GSE1: variants seen among roughly 807,000 people sequenced by gnomAD.
GSE1 encodes the protein Gse1 coiled-coil protein, also known as genetic suppressor element 1.
Under a neutral mutation model 112.6 loss-of-function variants are expected in GSE1, and 32 were observed. The ratio of observed to expected loss-of-function variants is 0.28; its 90% CI spans 0.21 to 0.38. The LOEUF is 0.38. GSE1 is among the 10% of genes least tolerant of loss of function. The pLI is 1.00. For synonymous variants in GSE1, 1,115 were observed against 735.6 expected (o/e 1.52, Z -8.35); for missense variants, 2,348 against 1,699.2 (o/e 1.38, Z -6.71).
intron 1 of GSE1, among the ~76,000 whole-genome samples, chr16:85,179,974 C>T (rs192041692): frequency 1.3e-5 from 2 of 152,354 alleles, no homozygotes; most frequent in Admixed American, 1.3e-4. Context: ...AGCTCCTGCA[C>T]AGCTGACAGT....
At chr16:85,253,900 T>A (rs1906786941) in intron 1 of GSE1, among the ~76,000 whole-genome samples, 1 of 151,732 alleles carries the variant, frequency 6.6e-6, no homozygotes, top group African/African-American at 2.4e-5. Flanking sequence ...GAACTGTGTG[T>A]GCAAAGGGCA....
intron 2 of GSE1, among the ~76,000 whole-genome samples, chr16:85,372,391 C>T (rs1393844313): frequency 6.7e-6 from 1 of 149,436 alleles, no homozygotes; most frequent in East Asian, 2.0e-4. Context: ...AGGTGGGAGG[C>T]TCACCTTAGC....
intron 1 of GSE1, among the ~76,000 whole-genome samples, chr16:85,339,628 G>A (rs1399141828): frequency 1.1e-4 from 15 of 131,790 alleles, no homozygotes; most frequent in Non-Finnish European, 2.2e-4. Flanking sequence ...GGGGAGGGGG[G>A]CAGAGAGAGG....
intron 1 of GSE1, among the ~76,000 whole-genome samples, chr16:85,194,976 A>C (rs147415057): frequency 3.1e-4 from 47 of 152,248 alleles, no homozygotes; most frequent in African/African-American, 1.0e-3. Context: ...AGTAGCTTTC[A>C]GATCATCATA....
At chr16:85,507,442 G>T (rs1239511831) in intron 2 of GSE1, among the ~76,000 whole-genome samples, 2 of 152,214 alleles carry the variant, frequency 1.3e-5, no homozygotes, top group Non-Finnish European at 1.5e-5. Context: ...ATTTGGGACC[G>T]CAGGGTTACT....
intron 1 of GSE1, among the ~76,000 whole-genome samples, chr16:85,269,956 C>T (rs980789874): frequency 2.7e-5 from 4 of 149,452 alleles, no homozygotes; most frequent in African/African-American, 7.3e-5. Context: ...ATAGTGAGCC[C>T]GTGTTGCAGG....
chr16:85,346,587 TGGTG>T (rs1168177145), intron 1 of GSE1, among the ~76,000 whole-genome samples: 1 of 138,970 alleles, frequency 7.2e-6, no homozygotes, highest in African/African-American at 2.6e-5. Flanking sequence ...AGTGGAGTGA[TGGTG>T]GGCAGATGGG....
chr16:85,501,254 G>A lies in GSE1; in HGVS notation c.2465-132660G>A, dbSNP rs538883175. ...CCTGACCTCGTGATCCACCTGCCTC[G>A]GCCTCCCAAAGTGCTGGGATTACAG... On this transcript the variant is annotated intron_variant, in intron 2 of 2. Transcript: ENST00000637419. 6.6e-5 allele frequency among the ~76,000 whole-genome samples: 10 copies of A among 151,918 alleles called. No individual in the cohort carries two copies. The East Asian group carries it at 1.9e-3, about 30-fold the overall frequency.
At position 85,331,323 on chromosome 16, in the gene GSE1, CTGTGTGTGTGTGTGTGTGTGTGTGTG is replaced by C. The variant is rs71151278; in HGVS notation, c.2284-26122_2284-26097del. Among the ~76,000 whole-genome samples, 2 of 84,508 alleles carry C rather than the reference CTGTGTGTGTGTGTGTGTGTGTGTGTG, an allele frequency of 2.4e-5. 1 individual carries two copies. Among genetic ancestry groups the C allele is most frequent in the Non-Finnish European group, 5.0e-5 (2 of 40,340 alleles). 55.4% of individuals were successfully genotyped at this position (84,508 alleles called of 152,430 possible). A position where few individuals can be genotyped will look rare whatever the true frequency, so the allele number is the denominator to read the frequency against. ...ACATGCCACCATGCCCAGCTAATTT[CTGTGTGTGTGTGTGTGTGTGTGTGTG>C]TGTGTGTGTGTGTGTGTATATATGT... On this transcript the variant is annotated intron_variant, in intron 1 of 2. Transcript: ENST00000637419.
rs565095072 is a variant in GSE1, at chr16:85,424,722, C to T, written c.2464+67079C>T. ...TGTTCCTGCGCCCAGCACTGACAGG[C>T]GCGAGGGCTCCTCACGCCCCGAGTC... On this transcript the variant is annotated intron_variant, in intron 2 of 2. Transcript: ENST00000637419. Among the ~76,000 whole-genome samples, 10 of 152,370 alleles carry T rather than the reference C, an allele frequency of 6.6e-5. No homozygotes were observed. The East Asian group carries it at 1.7e-3, about 26-fold the overall frequency.
At chr16:85,339,090 C>T (rs1597432516) in intron 1 of GSE1, among the ~76,000 whole-genome samples, 2 of 152,314 alleles carry the variant, frequency 1.3e-5, no homozygotes, top group Middle Eastern at 6.8e-3. Flanking sequence ...GCTCTCTTCC[C>T]CTGAACCTTT....
At chr16:85,301,568 G>A (rs1308977878) in intron 1 of GSE1, among the ~76,000 whole-genome samples, 5 of 152,376 alleles carry the variant, frequency 3.3e-5, no homozygotes, top group Admixed American at 6.5e-5. Flanking sequence ...GAAAGTTGCT[G>A]GGGCCAGTGT....
chr16:85,511,041 A>C (rs772529567), intron 2 of GSE1, among the ~76,000 whole-genome samples: 1 of 152,226 alleles, frequency 6.6e-6, no homozygotes, highest in African/African-American at 2.4e-5. Flanking sequence ...CCATGAAGAC[A>C]AGGGCTGCGC....
Position 85,668,281 on chromosome 16 carries a change from G to A in GSE1, c.3272G>A (p.Gly1091Asp), listed in dbSNP as rs1179782440. ...GQQEPPTARK[G>D]PPTQELDRDS... Reference sequence around the variant, plus strand: ...CAGGAGCCCCCCACTGCAAGGAAGGGCCCCCCAACCCAGGAGTTGGACCGG... The same window carrying A: ...CAGGAGCCCCCCACTGCAAGGAAGGACCCCCCAACCCAGGAGTTGGACCGG... Residue 1091 changes from glycine (G) to aspartate (D), a missense_variant, in exon 14 of 16, where the codon GGC becomes GAC. Physicochemically the swap from Gly to Asp is moderately conservative, Grantham distance 94. Coordinates refer to ENST00000253458, the MANE Select transcript of GSE1 (RefSeq NM_014615.5). 2.5e-6 allele frequency: 4 copies of A among 1,612,862 alleles called. No homozygotes were observed. The highest frequency in any genetic ancestry group is 1.3e-5 in the African/African-American group (1 of 74,994).
Position 85,196,187 on chromosome 16 carries a change from A to G in GSE1, c.2283+24380A>G, listed in dbSNP as rs150476215. Among the ~76,000 whole-genome samples the G allele has an allele frequency of 2.6e-5, 4 of 152,328 alleles. No individual in the cohort carries two copies. The East Asian group carries it at 5.8e-4, about 22-fold the overall frequency. On this transcript the variant is annotated intron_variant, in intron 1 of 2. Coordinates refer to the GSE1 transcript ENST00000637419. Reference sequence around the variant, plus strand: ...ACTTTTGGACTTGGGGGTTGTGGGTAGAGGGTTGGGGCCCGTGTTATCATT... The same window carrying G: ...ACTTTTGGACTTGGGGGTTGTGGGTGGAGGGTTGGGGCCCGTGTTATCATT...
intron 3 of GSE1, among the ~76,000 whole-genome samples, chr16:85,652,003 C>T (rs771917729): frequency 1.8e-4 from 27 of 152,102 alleles, no homozygotes; most frequent in Non-Finnish European, 2.9e-4. Flanking sequence ...AGGGTAGGGG[C>T]GTGAGGCAGG....
intron 1 of GSE1, among the ~76,000 whole-genome samples, chr16:85,618,117 A>G (rs1190577850): frequency 3.9e-5 from 6 of 151,930 alleles, no homozygotes; most frequent in African/African-American, 1.2e-4. Context: ...AGGCCTTCCA[A>G]TTCTGGAACC....
chr16:85,645,667 G>C (rs1282484640), intron 2 of GSE1, among the ~76,000 whole-genome samples: 1 of 152,214 alleles, frequency 6.6e-6, no homozygotes, highest in Non-Finnish European at 1.5e-5. Flanking sequence ...GAATGTGCGC[G>C]TGCCCACTCC....
chr16:85,633,233 C>T (rs532927950), intron 1 of GSE1, among the ~76,000 whole-genome samples: 5 of 152,320 alleles, frequency 3.3e-5, no homozygotes, highest in African/African-American at 1.2e-4. Flanking sequence ...CCACCGCTCC[C>T]TGTCAGCCTG....
Sources: allele counts gnomAD v4.1 joint callset (sites outside exome capture counted in the v4.1 genomes callset), GRCh38; gene constraint gnomAD v4.1.1; transcripts MANE v1.5; gene names NCBI Gene and HGNC (gene_info 2026-07-23, HGNC 2026-07-21).